Variants in DMD observed in about 807,000 individuals in gnomAD.
DMD encodes the protein mutant dystrophin.
DMD carries 63 observed loss-of-function variants against 330.1 expected under a neutral mutation model. That is an observed-to-expected ratio of 0.19 (90% CI 0.16 to 0.24). The LOEUF is 0.24. Ranked by LOEUF, DMD falls within the 10% of genes least tolerant of loss-of-function variation. The probability of loss-of-function intolerance (pLI) is 1.00; values close to 1 mark genes in which losing one functional copy is unlikely to be tolerated. For synonymous variants in DMD, 1,223 were observed against 959.8 expected, an observed-to-expected ratio of 1.27 and a Z score of -5.07; for missense variants, 3,344 against 2,684.1, an observed-to-expected ratio of 1.25 and a Z score of -5.43.
intron 9 of DMD, among the ~76,000 whole-genome samples, chrX:32,645,422 A>G (rs2059720312): frequency 8.9e-6 from 1 of 111,923 alleles, no homozygotes; most frequent in Admixed American, 9.5e-5. Context: ...TTAGTATATC[A>G]CCTCATGTTG....
chrX:32,393,134 A>C (rs2098016057), intron 30 of DMD, among the ~76,000 whole-genome samples: 1 of 112,191 alleles, frequency 8.9e-6, no homozygotes, highest in African/African-American at 3.2e-5. Flanking sequence ...CTGCCCTTGG[A>C]TTCTATGACA....
At chrX:32,928,702 T>A (rs769930710) in intron 2 of DMD, among the ~76,000 whole-genome samples, 62 of 112,076 alleles carry the variant, frequency 5.5e-4, no homozygotes, top group Non-Finnish European at 7.0e-4. Context: ...AAGAGATTTT[T>A]AAAATATAAT....
rs1556914952 is a variant in DMD at position 31,816,794 on chromosome X, T to TCTCACACACACACACA, written c.7309+3180_7309+3181insTGTGTGTGTGTGTGAG. Among the ~76,000 whole-genome samples, 751 of 85,355 alleles carry TCTCACACACACACACA rather than the reference T, an allele frequency of 8.8e-3. 9 individuals are homozygous for TCTCACACACACACACA. Among genetic ancestry groups the TCTCACACACACACACA allele is most frequent in the African/African-American group, 0.03 (656 of 22,139 alleles). The allele number at this position is 85,355 out of a possible 115,157, so 74.1% of individuals were successfully genotyped here. A position where few individuals can be genotyped will look rare whatever the true frequency, so the allele number is the denominator to read the frequency against. ...GCCTGGGCAACAGAGCAAGATTCTG[T>TCTCACACACACACACA]CACACACACACACACACACACACAC... On this transcript the variant is annotated intron_variant, in intron 50 of 78. Coordinates refer to ENST00000357033, the MANE Select transcript of DMD (RefSeq NM_004006.3).
chrX:31,496,297 T>C (rs746679737), intron 57 of DMD, among the ~76,000 whole-genome samples: 6 of 112,525 alleles, frequency 5.3e-5, no homozygotes, highest in African/African-American at 1.9e-4. Context: ...ATATTTGATA[T>C]GATGAAATTA....
Position 31,932,106 on chromosome X carries a change from G to C in DMD, c.6736C>G (p.Leu2246Val). ...TTGACTTGCTCAAGCTTTTCTTTTA[G>C]TTGCTGCTCTTTTCCAGGTTCAAGT... ...IPLEPGKEQQ[L>V]KEKLEQVKLL... Residue 2246 changes from leucine to valine, a missense_variant, in exon 46 of 79, where the codon CTA (leucine) becomes GTA (valine). By Grantham distance (32) the Leu-to-Val change is conservative. Coordinates refer to ENST00000357033, the MANE Select transcript of DMD (RefSeq NM_004006.3). The C allele has an allele frequency of 8.3e-7, 1 of 1,211,291 alleles. No homozygotes were observed. Among genetic ancestry groups the C allele is most frequent in the Non-Finnish European group, 1.1e-6 (1 of 895,186 alleles).
chrX:32,566,003 C>A, intron 15 of DMD, 122 bp from the exon 16 acceptor site: 3 of 607,263 alleles, frequency 4.9e-6, no homozygotes, highest in Non-Finnish European at 7.8e-6. Context: ...CAATCGTGCC[C>A]GCAAAGGATC....
chrX:32,254,562 CAG>C (rs903907105), intron 43 of DMD, among the ~76,000 whole-genome samples: 2 of 111,833 alleles, frequency 1.8e-5, no homozygotes, highest in African/African-American at 6.5e-5. Flanking sequence ...TGTACATGTA[CAG>C]AGTCATAGAG....
At chrX:32,156,122 C>T (rs2096829295) in intron 44 of DMD, among the ~76,000 whole-genome samples, 1 of 112,253 alleles carries the variant, frequency 8.9e-6, no homozygotes, top group Non-Finnish European at 1.9e-5. Context: ...TGGCTCACGC[C>T]TGTAAACCCA....
intron 2 of DMD, among the ~76,000 whole-genome samples, chrX:32,853,728 A>C (rs2081312751): frequency 9.3e-6 from 1 of 107,151 alleles, no homozygotes; most frequent in Non-Finnish European, 1.9e-5. Flanking sequence ...AATAAAACTG[A>C]ACATAAATGA....
At chrX:32,654,726 G>A (rs1288731859) in intron 9 of DMD, among the ~76,000 whole-genome samples, 1 of 111,764 alleles carries the variant, frequency 8.9e-6, no homozygotes, top group African/African-American at 3.3e-5. Context: ...AGAAGGAATG[G>A]TACCAGCTCT....
At chrX:32,487,744 G>T (rs753137594) in intron 20 of DMD, among the ~76,000 whole-genome samples, 2 of 110,867 alleles carry the variant, frequency 1.8e-5, no homozygotes, top group South Asian at 3.8e-4. Flanking sequence ...AATCTCTGAC[G>T]ATTCAATCGT....
intron 60 of DMD, among the ~76,000 whole-genome samples, chrX:31,441,793 T>C (rs1248501629): frequency 8.9e-6 from 1 of 112,068 alleles, no homozygotes; most frequent in Non-Finnish European, 1.9e-5. Flanking sequence ...GGAAAAAAAT[T>C]GCTTGATGTG....
intron 9 of DMD, among the ~76,000 whole-genome samples, chrX:32,662,018 A>C (rs746000010): frequency 1.8e-5 from 2 of 111,767 alleles, no homozygotes; most frequent in Non-Finnish European, 3.8e-5. Flanking sequence ...GGAAAGAAAC[A>C]GAATAAACAG....
chrX:32,333,561 T>G (rs2097691168), intron 41 of DMD, among the ~76,000 whole-genome samples: 1 of 111,581 alleles, frequency 9.0e-6, no homozygotes, highest in Admixed American at 9.6e-5. Flanking sequence ...AGTGATGATC[T>G]ATACTTATAT....
chrX:32,538,198 A>G (rs956404920), intron 17 of DMD, among the ~76,000 whole-genome samples: 4 of 112,431 alleles, frequency 3.6e-5, no homozygotes, highest in East Asian at 2.8e-4. Flanking sequence ...CCTTTCCCCT[A>G]TGACCTGCAC....
chrX:32,951,367 G>T (rs1409041760), intron 2 of DMD, among the ~76,000 whole-genome samples: 1 of 111,709 alleles, frequency 9.0e-6, no homozygotes, highest in Non-Finnish European at 1.9e-5. Flanking sequence ...ATAATTTTAA[G>T]GGGAAAATAT....
chrX:32,827,872 G>C (rs776097611), intron 4 of DMD, among the ~76,000 whole-genome samples: 17 of 110,539 alleles, frequency 1.5e-4, no homozygotes, highest in African/African-American at 5.6e-4. Flanking sequence ...TGTTGGTCAG[G>C]CTGGTCTCGA....
Position 33,191,276 on chromosome X carries a change from G to A in DMD, c.31+20006C>T, listed in dbSNP as rs1272826110. On this transcript the variant is annotated intron_variant, in intron 1 of 78. Coordinates refer to ENST00000357033, the MANE Select transcript of DMD (RefSeq NM_004006.3). ...CAATCTGCACTTGGTGTGCCTGTAT[G>A]TTCTGATTTCATTGGTCTGCAAGAG... 4.7e-5 allele frequency among the ~76,000 whole-genome samples: 5 copies of A among 107,336 alleles called. No homozygotes were observed. In the South Asian group the frequency reaches 1.6e-3, roughly 35 times the overall value. The allele number at this position is 107,336 out of a possible 115,157, so 93.2% of individuals were successfully genotyped here. A position where few individuals can be genotyped will look rare whatever the true frequency, so the allele number is the denominator to read the frequency against.
intron 44 of DMD, among the ~76,000 whole-genome samples, chrX:32,094,617 A>C (rs1473745814): frequency 8.9e-6 from 1 of 111,944 alleles, no homozygotes; most frequent in Non-Finnish European, 1.9e-5. Flanking sequence ...CCAGTGTAGG[A>C]CCTCCTTATA....
Sources: allele counts gnomAD v4.1 joint callset (sites outside exome capture counted in the v4.1 genomes callset), GRCh38; gene constraint gnomAD v4.1.1; transcripts MANE v1.5; gene names NCBI Gene and HGNC (gene_info 2026-07-23, HGNC 2026-07-21).